Variants in SRFBP1 observed in about 807,000 individuals in gnomAD.
SRFBP1 encodes serum response factor binding protein 1.
Under a neutral mutation model 45.5 loss-of-function variants are expected in SRFBP1, and 47 were observed. That is an observed-to-expected ratio of 1.03 (90% CI 0.82 to 1.32). The LOEUF (loss-of-function observed/expected upper bound fraction) is 1.32. Ranked by LOEUF, SRFBP1 falls within the 40% of genes most tolerant of loss-of-function variation. The pLI is 0.00. For missense variants in SRFBP1, 621 were observed against 484.6 expected, an observed-to-expected ratio of 1.28 and a Z score of -2.64; for synonymous variants, 203 against 166.3, an observed-to-expected ratio of 1.22 and a Z score of -1.70.
rs1412721186 is a variant in SRFBP1 at position 122,075,463 on chromosome 5, C to T, written n.460C>T. On this transcript the variant is annotated non_coding_transcript_exon_variant, in exon 3 of 3. Coordinates refer to the SRFBP1 transcript ENST00000504881. ...GTCGGCTGGGTAAGAAATCTGATGT[C>T]CCTTGGTTTTTCACTCTTTGGGGAA... 5 of 1,613,536 alleles carry T rather than the reference C, an allele frequency of 3.1e-6. No individual in the cohort carries two copies. Among genetic ancestry groups the T allele is most frequent in the Non-Finnish European group, 4.2e-6 (5 of 1,179,738 alleles).
chr5:121,980,117 T>A (rs1183482044), intron 3 of SRFBP1, among the ~76,000 whole-genome samples: 2 of 152,194 alleles, frequency 1.3e-5, no homozygotes, highest in Non-Finnish European at 2.9e-5. Context: ...AGACAGCTAC[T>A]TTAATTCTTC....
At chr5:122,049,025 T>TG (rs1218624019) in intron 2 of SRFBP1, among the ~76,000 whole-genome samples, 2 of 118,540 alleles carry the variant, frequency 1.7e-5, no homozygotes, top group African/African-American at 5.8e-5. Context: ...TTTTGAAGGG[T>TG]TTTTTTGTGT....
chr5:122,014,971 A>G (rs1405272323), intron 4 of SRFBP1, among the ~76,000 whole-genome samples: 1 of 152,382 alleles, frequency 6.6e-6, no homozygotes, highest in Admixed American at 6.5e-5. Flanking sequence ...AAATCTGGTT[A>G]GGATTCCCAG....
rs1171534192 is a variant in SRFBP1, at chr5:122,020,414, C to CTTT, written c.680_681insTTT (p.Leu227dup). 6.2e-7 allele frequency: 1 copy of CTTT among 1,614,078 alleles called. No individual in the cohort carries two copies. The highest frequency in any genetic ancestry group is 1.1e-5 in the South Asian group (1 of 91,078). Reference sequence around the variant, plus strand: ...CCAGAAGACACCTGCTGACCCAAAACTGAAAACTCTAAGTCAAACCAAAAA... The same window carrying CTTT: ...CCAGAAGACACCTGCTGACCCAAAACTTTTGAAAACTCTAAGTCAAACCAAAAA... On this transcript the variant is annotated inframe_insertion, in exon 6 of 8. Transcript: ENST00000339397.
chr5:121,969,108 G>A (rs946529341), intron 1 of SRFBP1, among the ~76,000 whole-genome samples: 4 of 152,088 alleles, frequency 2.6e-5, no homozygotes, highest in South Asian at 2.1e-4. Context: ...GAAACTTGCC[G>A]TCATTGTCAC....
chr5:122,074,038 C>T lies in SRFBP1; in HGVS notation n.312-1277C>T, dbSNP rs1748578770. 1.2e-6 allele frequency: 2 copies of T among 1,614,038 alleles called. No individual in the cohort carries two copies. Among genetic ancestry groups the T allele is most frequent in the East Asian group, 2.2e-5 (1 of 44,868 alleles). ...CTGTGTGTGTGCAGTACATGCAAATCGCCTGTGGTAGCCATAGTCACAGGA... is the reference window on the plus strand; with the variant it reads ...CTGTGTGTGTGCAGTACATGCAAATTGCCTGTGGTAGCCATAGTCACAGGA... On this transcript the variant is annotated intron_variant and non_coding_transcript_variant, in intron 2 of 2. Coordinates refer to the SRFBP1 transcript ENST00000504881.
intron 4 of SRFBP1, among the ~76,000 whole-genome samples, chr5:122,000,226 A>G (rs912052468): frequency 6.6e-6 from 1 of 152,112 alleles, no homozygotes; most frequent in Non-Finnish European, 1.5e-5. Flanking sequence ...CAATTACTTT[A>G]TGCCTTCTAT....
At chr5:122,043,514 C>G (rs1261349589) in intron 2 of SRFBP1, among the ~76,000 whole-genome samples, 1 of 152,214 alleles carries the variant, frequency 6.6e-6, no homozygotes, top group East Asian at 1.9e-4. Context: ...CCATGCCCAG[C>G]CTGTCGCTGT....
downstream of SRFBP1, chr5:122,077,734 G>C: frequency 6.4e-7 from 1 of 1,574,790 alleles, no homozygotes; most frequent in Non-Finnish European, 8.6e-7. The surrounding 1 kb of genome is among the most constrained non-coding windows in gnomAD (Gnocchi z 4.9). Flanking sequence ...GGGGCTGCTG[G>C]GCGGAGGCGT....
intron 7 of SRFBP1, among the ~76,000 whole-genome samples, 196 bp from the exon 8 acceptor site, chr5:122,026,746 T>C (rs915751992): frequency 1.3e-5 from 2 of 152,190 alleles, no homozygotes; most frequent in African/African-American, 2.4e-5. Context: ...AAAGCATGTG[T>C]GTCAAAATTG....
At chr5:122,070,040 A>C in intron 2 of SRFBP1, 2 of 1,571,352 alleles carry the variant, frequency 1.3e-6, no homozygotes, top group Non-Finnish European at 1.8e-6. Flanking sequence ...TTAGCTAAGC[A>C]AATAACACTT....
chr5:121,995,810 A>G (rs903835590), intron 4 of SRFBP1, among the ~76,000 whole-genome samples: 18 of 151,620 alleles, frequency 1.2e-4, no homozygotes, highest in Non-Finnish European at 2.5e-4. Context: ...AATAGACACA[A>G]TAAAAAATGA....
chr5:122,017,384 A>G (rs770066779), intron 4 of SRFBP1, among the ~76,000 whole-genome samples: 20 of 152,164 alleles, frequency 1.3e-4, no homozygotes, highest in Non-Finnish European at 2.8e-4. Context: ...GATAACTCCA[A>G]TCTTTGCCCT....
chr5:121,997,559 A>T (rs1435527597), intron 4 of SRFBP1, among the ~76,000 whole-genome samples: 13 of 151,506 alleles, frequency 8.6e-5, no homozygotes, highest in Non-Finnish European at 1.8e-4. Context: ...AACCATAAAA[A>T]CCCTAGAAGA....
chr5:122,042,531 C>G (rs1181601059), intron 2 of SRFBP1, among the ~76,000 whole-genome samples: 2 of 152,208 alleles, frequency 1.3e-5, no homozygotes, highest in Non-Finnish European at 2.9e-5. Context: ...GAATTACAGG[C>G]ATGAACCACC....
chr5:121,971,884 G>A (rs1752207294), intron 1 of SRFBP1, among the ~76,000 whole-genome samples: 1 of 151,914 alleles, frequency 6.6e-6, no homozygotes. Flanking sequence ...GGCTTTTTTG[G>A]AATTCATTGG....
chr5:122,006,189 T>C (rs1056144789), intron 4 of SRFBP1, among the ~76,000 whole-genome samples: 5 of 152,142 alleles, frequency 3.3e-5, no homozygotes, highest in African/African-American at 4.8e-5. Context: ...GCATTTTTTT[T>C]CATCAACACT....
intron 2 of SRFBP1, chr5:122,063,511 G>T (rs1754221167): frequency 6.6e-6 from 1 of 151,782 alleles, no homozygotes; most frequent in Non-Finnish European, 1.5e-5. Context: ...AAATAACTCA[G>T]CACCATTTTA....
At chr5:121,994,559 A>G (rs1438741016) in intron 3 of SRFBP1, 40 bp from the exon 4 acceptor site, 4 of 1,332,876 alleles carry the variant, frequency 3.0e-6, no homozygotes, top group East Asian at 2.3e-5. Context: ...TGATAAAAAT[A>G]GACACATAAC....
Sources: gnomAD v4.1 joint callset for allele counts (sites outside exome capture counted in the v4.1 genomes callset) on GRCh38, gnomAD v4.1.1 for gene constraint, Gnocchi (gnomAD v3.1) non-coding constraint, MANE v1.5 for transcripts, NCBI Gene and HGNC (gene_info 2026-07-23, HGNC 2026-07-21) for gene names.